Variants in CNTNAP2 observed in about 807,000 individuals in gnomAD.
CNTNAP2 encodes contactin-associated protein-like 2.
CNTNAP2 carries 98 observed loss-of-function variants against 155.2 expected under a neutral mutation model. The ratio of observed to expected loss-of-function variants is 0.63; its 90% CI spans 0.54 to 0.75. The LOEUF (loss-of-function observed/expected upper bound fraction) is 0.75, where lower values mean the gene tolerates loss of function less well. Among genes scored for constraint, CNTNAP2 ranks in the 30% least tolerant of loss-of-function variants. The pLI, the probability that CNTNAP2 is intolerant of heterozygous loss-of-function variation, is 0.00. For synonymous variants in CNTNAP2, 651 were observed against 631.2 expected, an observed-to-expected ratio of 1.03 and a Z score of -0.47; for missense variants, 1,727 against 1,688.1, an observed-to-expected ratio of 1.02 and a Z score of -0.40.
rs138374917 is a variant in CNTNAP2 at position 147,456,754 on chromosome 7, G to A, written c.1671-29181G>A. Reference sequence around the variant, plus strand: ...TACAATCAGGATGCGATGAGAACCTGAAAAGGTGAAGCAGCAGTGTTAATG... The same window carrying A: ...TACAATCAGGATGCGATGAGAACCTAAAAAGGTGAAGCAGCAGTGTTAATG... On this transcript the variant is annotated intron_variant, in intron 10 of 23. Coordinates refer to ENST00000361727, the MANE Select transcript of CNTNAP2 (RefSeq NM_014141.6). Among the ~76,000 whole-genome samples, 302 of 152,282 alleles carry A rather than the reference G, an allele frequency of 2.0e-3. 1 individual carries two copies. Among genetic ancestry groups the A allele is most frequent in the African/African-American group, 6.7e-3 (278 of 41,562 alleles).
chr7:146,656,546 C>G (rs1467564109), intron 1 of CNTNAP2, among the ~76,000 whole-genome samples: 1 of 152,110 alleles, frequency 6.6e-6, no homozygotes, highest in African/African-American at 2.4e-5. Context: ...TTTTGTCTTT[C>G]CCCAGGCTGG....
intron 1 of CNTNAP2, among the ~76,000 whole-genome samples, chr7:146,718,979 A>T (rs1223734101): frequency 6.6e-6 from 1 of 152,172 alleles, no homozygotes; most frequent in African/African-American, 2.4e-5. Flanking sequence ...AAAGTAGAAC[A>T]TGCCTTTCTC....
At chr7:148,096,108 C>G (rs1418726936) in intron 15 of CNTNAP2, among the ~76,000 whole-genome samples, 2 of 152,176 alleles carry the variant, frequency 1.3e-5, no homozygotes, top group Non-Finnish European at 2.9e-5. Context: ...GATCTTCCTA[C>G]TTAAAAACAC....
chr7:146,282,172 T>C (rs951088696), intron 1 of CNTNAP2, among the ~76,000 whole-genome samples: 1 of 152,216 alleles, frequency 6.6e-6, no homozygotes, highest in African/African-American at 2.4e-5. Flanking sequence ...ACGCCAATTG[T>C]GTATAGACTC....
At chr7:147,255,033 T>A (rs1328948041) in intron 8 of CNTNAP2, among the ~76,000 whole-genome samples, 1 of 152,168 alleles carries the variant, frequency 6.6e-6, no homozygotes. Context: ...TATAAAATTA[T>A]GATGGGGAAA....
intron 1 of CNTNAP2, among the ~76,000 whole-genome samples, chr7:146,768,403 G>A (rs1029390546): frequency 2.0e-5 from 3 of 151,548 alleles, no homozygotes; most frequent in African/African-American, 7.3e-5. Flanking sequence ...TGAGTGTCCC[G>A]ATGTTGTGTG....
chr7:147,883,464 T>G (rs887141398), intron 13 of CNTNAP2, among the ~76,000 whole-genome samples: 1 of 152,250 alleles, frequency 6.6e-6, no homozygotes, highest in Non-Finnish European at 1.5e-5. Context: ...TTATCACTTA[T>G]GGATGATGGC....
At chr7:146,966,714 A>G (rs891848141) in intron 3 of CNTNAP2, among the ~76,000 whole-genome samples, 5 of 152,202 alleles carry the variant, frequency 3.3e-5, no homozygotes, top group East Asian at 1.9e-4. Context: ...ACTCAGGAAA[A>G]GATGATGCTT....
intron 4 of CNTNAP2, among the ~76,000 whole-genome samples, chr7:147,068,596 A>G (rs1799829119): frequency 6.6e-6 from 1 of 152,098 alleles, no homozygotes; most frequent in African/African-American, 2.4e-5. Context: ...TGGACTCGTG[A>G]TCCGCCAACC....
At chr7:147,491,014 G>T (rs1798600835) in intron 11 of CNTNAP2, among the ~76,000 whole-genome samples, 1 of 152,176 alleles carries the variant, frequency 6.6e-6, no homozygotes. Flanking sequence ...CCCTTGGCAT[G>T]TGGGAATTAC....
intron 3 of CNTNAP2, among the ~76,000 whole-genome samples, chr7:146,968,867 TG>T: frequency 6.9e-6 from 1 of 145,100 alleles, no homozygotes; most frequent in South Asian, 2.3e-4. Flanking sequence ...TGAATGTGTT[TG>T]CTCTTGCTTT....
intron 15 of CNTNAP2, among the ~76,000 whole-genome samples, chr7:148,085,283 G>C (rs1343959211): frequency 6.6e-6 from 1 of 152,120 alleles, no homozygotes; most frequent in Admixed American, 6.6e-5. Context: ...ATTATATAAA[G>C]CTCAGAAAAT....
chr7:146,645,420 G>A (rs1799794356), intron 1 of CNTNAP2, among the ~76,000 whole-genome samples: 2 of 152,234 alleles, frequency 1.3e-5, no homozygotes, highest in South Asian at 4.1e-4. Context: ...CAGGCTTAGA[G>A]GGTCTGCATA....
chr7:146,239,030 T>C (rs1475375486), intron 1 of CNTNAP2, among the ~76,000 whole-genome samples: 3 of 152,092 alleles, frequency 2.0e-5, no homozygotes, highest in Admixed American at 2.0e-4. Context: ...CCAAACTATA[T>C]CACATGCTAA....
intron 13 of CNTNAP2, among the ~76,000 whole-genome samples, chr7:147,867,985 C>T (rs1799262185): frequency 6.6e-6 from 1 of 152,138 alleles, no homozygotes; most frequent in Non-Finnish European, 1.5e-5. Flanking sequence ...CAGCTTTGTT[C>T]TGTTGCTGGC....
intron 13 of CNTNAP2, among the ~76,000 whole-genome samples, chr7:147,735,094 G>C (rs1212583843): frequency 1.3e-5 from 2 of 151,604 alleles, no homozygotes; most frequent in Admixed American, 6.6e-5. Context: ...TGCTTCTCTA[G>C]TTCTTTTAAT....
chr7:146,722,316 A>T (rs1175222591), intron 1 of CNTNAP2, among the ~76,000 whole-genome samples: 1 of 152,070 alleles, frequency 6.6e-6, no homozygotes, highest in Non-Finnish European at 1.5e-5. Flanking sequence ...GTGTCCTGTG[A>T]TGGGTAGGGC....
At chr7:147,373,804 G>A (rs1187774412) in intron 9 of CNTNAP2, among the ~76,000 whole-genome samples, 1 of 151,660 alleles carries the variant, frequency 6.6e-6, no homozygotes, top group African/African-American at 2.4e-5. Flanking sequence ...TGTTGGTTTG[G>A]TTTGGCTTTC....
chr7:146,677,465 C>A (rs2129169227), intron 1 of CNTNAP2, among the ~76,000 whole-genome samples: 1 of 152,208 alleles, frequency 6.6e-6, no homozygotes, highest in South Asian at 2.1e-4. Context: ...GGTAACAAGG[C>A]ATATTTTCAG....
Sources: gnomAD v4.1 joint callset for allele counts (sites outside exome capture counted in the v4.1 genomes callset) on GRCh38, gnomAD v4.1.1 for gene constraint, MANE v1.5 for transcripts, NCBI Gene and HGNC (gene_info 2026-07-23, HGNC 2026-07-21) for gene names.